CNIH3: variants seen among roughly 807,000 people sequenced by gnomAD.
CNIH3 encodes protein cornichon homolog 3.
In CNIH3, 14 loss-of-function variants were observed where a neutral mutation model predicts 24.1. The ratio of observed to expected loss-of-function variants is 0.58; its 90% CI spans 0.38 to 0.91. The LOEUF (loss-of-function observed/expected upper bound fraction) is 0.91, where lower values mean the gene tolerates loss of function less well. CNIH3 is among the 40% of genes least tolerant of loss of function. CNIH3 has a pLI of 0.00. For missense variants in CNIH3, 178 were observed against 196.8 expected, an observed-to-expected ratio of 0.90 and a Z score of 0.57; for synonymous variants, 68 against 73.8, an observed-to-expected ratio of 0.92 and a Z score of 0.40.
intron 1 of CNIH3, among the ~76,000 whole-genome samples, chr1:224,479,010 C>T (rs1676694698): frequency 6.6e-6 from 1 of 152,110 alleles, no homozygotes; most frequent in Admixed American, 6.6e-5. Context: ...ATCCCTCCTA[C>T]AACATGTGGG....
At chr1:224,513,697 A>T (rs1678264005), upstream of CNIH3, 1 of 152,232 alleles carries the variant, frequency 6.6e-6, no homozygotes, top group Non-Finnish European at 1.5e-5. Flanking sequence ...AATTCAATAT[A>T]GTGGCATGAA....
At chr1:224,691,544 C>T (rs1352332311) in intron 3 of CNIH3, among the ~76,000 whole-genome samples, 1 of 152,220 alleles carries the variant, frequency 6.6e-6, no homozygotes, top group East Asian at 1.9e-4. Context: ...GGGAACCTAC[C>T]TGAGCCCACC....
At chr1:224,592,447 G>T (rs958276391), downstream of CNIH3, among the ~76,000 whole-genome samples, 4 of 152,212 alleles carry the variant, frequency 2.6e-5, no homozygotes, top group Non-Finnish European at 5.9e-5. Flanking sequence ...CATCAGTCTT[G>T]TGAGTTGTGG....
intron 3 of CNIH3, among the ~76,000 whole-genome samples, chr1:224,727,204 G>A (rs1323433766): frequency 6.6e-6 from 1 of 152,204 alleles, no homozygotes; most frequent in Non-Finnish European, 1.5e-5. Context: ...GCACAACTTT[G>A]CTTTTCCCAT....
At chr1:224,568,787 C>T (rs1021372047) in intron 4 of CNIH3, among the ~76,000 whole-genome samples, 1 of 152,150 alleles carries the variant, frequency 6.6e-6, no homozygotes, top group Non-Finnish European at 1.5e-5. Context: ...AGAGTGAACA[C>T]CTGTGTTCAG....
intron 1 of CNIH3, among the ~76,000 whole-genome samples, chr1:224,669,386 G>A (rs962262779): frequency 6.6e-6 from 1 of 152,214 alleles, no homozygotes; most frequent in Admixed American, 6.5e-5. Flanking sequence ...GGCAGCTGAT[G>A]CCTCCCTCCT....
intron 1 of CNIH3, among the ~76,000 whole-genome samples, chr1:224,446,626 T>A (rs1281142716): frequency 6.6e-6 from 1 of 152,216 alleles, no homozygotes; most frequent in Non-Finnish European, 1.5e-5. Context: ...TCAGTAGTAT[T>A]CTTTAGTCTT....
At chr1:224,492,740 C>T (rs1677281409) in intron 1 of CNIH3, among the ~76,000 whole-genome samples, 1 of 152,128 alleles carries the variant, frequency 6.6e-6, no homozygotes, top group Non-Finnish European at 1.5e-5. Context: ...AGGCCTGAGT[C>T]CCCAGTATAG....
intron 2 of CNIH3, among the ~76,000 whole-genome samples, chr1:224,544,653 T>A (rs1030735263): frequency 4.6e-5 from 7 of 152,152 alleles, no homozygotes; most frequent in African/African-American, 1.7e-4. Flanking sequence ...GAACACCATG[T>A]CACCAGAGCC....
intron 5 of CNIH3, chr1:224,587,411 T>C (rs1215810848): frequency 6.6e-6 from 1 of 152,212 alleles, no homozygotes; most frequent in African/African-American, 2.4e-5. Flanking sequence ...TCATGCTTGA[T>C]GCCATCAAGG....
At chr1:224,555,772 C>T (rs1054064327) in intron 3 of CNIH3, among the ~76,000 whole-genome samples, 2 of 152,340 alleles carry the variant, frequency 1.3e-5, no homozygotes, top group Admixed American at 6.5e-5. Context: ...TTGAGCTAAT[C>T]CTTTTTTTTT....
intron 1 of CNIH3, among the ~76,000 whole-genome samples, chr1:224,494,051 A>AT (rs1677337902): frequency 6.6e-6 from 1 of 152,252 alleles, no homozygotes; most frequent in South Asian, 2.1e-4. Flanking sequence ...AAAATCAGTA[A>AT]TAATGTCTTT....
chr1:224,509,025 G>GT (rs1678029892), intron 1 of CNIH3, among the ~76,000 whole-genome samples: 1 of 152,042 alleles, frequency 6.6e-6, no homozygotes, highest in Non-Finnish European at 1.5e-5. Context: ...AAACCTCATG[G>GT]TAAAAAAAAA....
At position 224,638,564 on chromosome 1, in the gene CNIH3, C is replaced by T. The variant is rs547572873; in HGVS notation, c.81+21309C>T. On this transcript the variant is annotated intron_variant, in intron 1 of 5. Transcript: ENST00000272133. ...GCCGTAACATTCTGGGCCCCAGTTTCCTGCTCTGTAAAAGGAGGGGTGGCA... is the reference window on the plus strand; with the variant it reads ...GCCGTAACATTCTGGGCCCCAGTTTTCTGCTCTGTAAAAGGAGGGGTGGCA... 1.4e-4 allele frequency among the ~76,000 whole-genome samples: 22 copies of T among 152,296 alleles called. No homozygotes were observed. The South Asian group carries it at 4.6e-3, about 32-fold the overall frequency.
chr1:224,730,479 C>T lies in CNIH3; in HGVS notation c.216C>T (p.Tyr72=). The T allele has an allele frequency of 6.4e-7, 1 of 1,558,220 alleles. No homozygotes were observed. Among genetic ancestry groups the T allele is most frequent in the South Asian group, 1.2e-5 (1 of 84,510 alleles). Reference sequence around the variant, plus strand: ...CTCTTCAGCTGGTGCTGCCAGAATACTCCATCCATAGCCTCTTCTGCATTA... The same window carrying T: ...CTCTTCAGCTGGTGCTGCCAGAATATTCCATCCATAGCCTCTTCTGCATTA... The part of the protein sequence containing the change: ...FLLRKLVLPE[Y]SIHSLFCIMF... Residue 72 remains tyrosine (Y), a synonymous_variant, in exon 4 of 6, where the codon TAC becomes TAT. Transcript: ENST00000272133.
chr1:224,727,512 A>G (rs1235337301), intron 3 of CNIH3, among the ~76,000 whole-genome samples: 1 of 152,160 alleles, frequency 6.6e-6, no homozygotes, highest in African/African-American at 2.4e-5. Flanking sequence ...TTCTCTCCAC[A>G]TCACTTCTGC....
At chr1:224,541,630 C>A (rs1679515874), downstream of CNIH3, among the ~76,000 whole-genome samples, 1 of 152,112 alleles carries the variant, frequency 6.6e-6, no homozygotes, top group South Asian at 2.1e-4. Context: ...CTTTGCAGTC[C>A]CAAGCCATGC....
At chr1:224,646,430 G>T (rs906519923) in intron 1 of CNIH3, among the ~76,000 whole-genome samples, 2 of 152,170 alleles carry the variant, frequency 1.3e-5, no homozygotes, top group Non-Finnish European at 2.9e-5. Flanking sequence ...TTTTGAGACG[G>T]TGTCTCACTC....
intron 3 of CNIH3, among the ~76,000 whole-genome samples, chr1:224,605,745 G>T (rs1682389915): frequency 6.6e-6 from 1 of 151,896 alleles, no homozygotes; most frequent in Non-Finnish European, 1.5e-5. Flanking sequence ...AGTGCATGAG[G>T]ACTGTTTTCC....
Sources: allele counts gnomAD v4.1 joint callset (sites outside exome capture counted in the v4.1 genomes callset), GRCh38; gene constraint gnomAD v4.1.1; transcripts MANE v1.5; gene names NCBI Gene and HGNC (gene_info 2026-07-23, HGNC 2026-07-21).